Variants in MAMDC2 observed in about 807,000 individuals in gnomAD.
MAMDC2 encodes MAM domain containing 2, also known as MAM domain-containing protein 2.
In MAMDC2, 57 loss-of-function variants were observed where a neutral mutation model predicts 89.8. The ratio of observed to expected loss-of-function variants is 0.63; its 90% CI spans 0.51 to 0.79. The LOEUF (loss-of-function observed/expected upper bound fraction) is 0.79. MAMDC2 is among the 30% of genes least tolerant of loss of function. The pLI is 0.00. For missense variants in MAMDC2, 800 were observed against 820.6 expected (o/e 0.97, Z 0.31); for synonymous variants, 313 against 293.4 (o/e 1.07, Z -0.68).
intron 5 of MAMDC2, among the ~76,000 whole-genome samples, chr9:70,117,325 G>C (rs2030051690): frequency 6.6e-6 from 1 of 152,090 alleles, no homozygotes; most frequent in African/African-American, 2.4e-5. Context: ...TCCTTTGCAG[G>C]GACATGGATG....
intron 11 of MAMDC2, among the ~76,000 whole-genome samples, chr9:70,175,338 T>C (rs1326331020): frequency 6.6e-6 from 1 of 152,148 alleles, no homozygotes; most frequent in Non-Finnish European, 1.5e-5. Context: ...CCTGGATATA[T>C]TTTGAAAGCC....
chr9:70,196,160 A>G (rs958884892), intron 11 of MAMDC2, among the ~76,000 whole-genome samples: 5 of 152,046 alleles, frequency 3.3e-5, no homozygotes, highest in Non-Finnish European at 7.4e-5. Context: ...CCATAACAGT[A>G]TGGGGGGAAC....
intron 11 of MAMDC2, among the ~76,000 whole-genome samples, chr9:70,203,231 G>A (rs1326102771): frequency 6.6e-6 from 1 of 152,150 alleles, no homozygotes; most frequent in Non-Finnish European, 1.5e-5. Flanking sequence ...TCCTTAAGGA[G>A]CTCTTTTAGG....
intron 6 of MAMDC2, among the ~76,000 whole-genome samples, chr9:70,130,829 T>C (rs903229823): frequency 1.3e-5 from 2 of 152,188 alleles, no homozygotes; most frequent in Admixed American, 6.5e-5. Context: ...TGGCCTACTT[T>C]CTTAGCTGAT....
At position 70,118,564 on chromosome 9, in the gene MAMDC2, G is replaced by A. The variant is rs190373890; in HGVS notation, c.643+5432G>A. Among the ~76,000 whole-genome samples the A allele has an allele frequency of 6.9e-3, 1,056 of 152,212 alleles. 11 individuals are homozygous for A. Among genetic ancestry groups the A allele is most frequent in the South Asian group, 0.012 (60 of 4,824 alleles). On this transcript the variant is annotated intron_variant, in intron 5 of 13. Transcript: ENST00000377182. ...TCTCTTATCATATTTGCTTTCTACC[G>A]CATATATTGATTTCCCCGGAGTTCT...
At position 70,214,119 on chromosome 9, in the gene MAMDC2, G is replaced by A. The variant is rs186198765; in HGVS notation, c.1652-4218G>A. Among the ~76,000 whole-genome samples the A allele has an allele frequency of 2.6e-5, 4 of 152,258 alleles. No homozygotes were observed. In the East Asian group the frequency reaches 7.7e-4, roughly 29 times the overall value. On this transcript the variant is annotated intron_variant, in intron 11 of 13. Transcript: ENST00000377182. ...AATCTCTGTCCTTGTGAATTCTAAA[G>A]GAAAGAGACAGGCAAACATAAAAAT...
At chr9:70,188,761 G>GTTTTTTTTTT (rs2032814819) in intron 11 of MAMDC2, 1 of 15,026 alleles carries the variant, frequency 6.7e-5, no homozygotes, top group African/African-American at 1.9e-4. Context: ...CAAAACAATT[G>GTTTTTTTTTT]ATTTTTTTTT....
chr9:70,198,018 C>T (rs2033006954), intron 11 of MAMDC2, among the ~76,000 whole-genome samples: 1 of 151,982 alleles, frequency 6.6e-6, no homozygotes, highest in African/African-American at 2.4e-5. Flanking sequence ...GAAAAGACCA[C>T]ATGTACATAA....
At chr9:70,194,557 T>A (rs1038432008) in intron 11 of MAMDC2, 1 of 152,144 alleles carries the variant, frequency 6.6e-6, no homozygotes. Flanking sequence ...CCTCCAAAAC[T>A]GTAAGAAATA....
Position 70,119,071 on chromosome 9 carries a change from T to G in MAMDC2, c.643+5939T>G, listed in dbSNP as rs144231677. ...TTTTTATCCTGTATTTTCTTAATTC[T>G]GATTCATCACATATGGGTTTCTTTC... On this transcript the variant is annotated intron_variant, in intron 5 of 13. Transcript: ENST00000377182. 2.5e-3 allele frequency among the ~76,000 whole-genome samples: 383 copies of G among 152,172 alleles called. 2 individuals are homozygous for G. Among genetic ancestry groups the G allele is most frequent in the Middle Eastern group, 0.01 (3 of 294 alleles).
intron 2 of MAMDC2, chr9:70,090,801 G>C (rs1170213495): frequency 6.6e-6 from 1 of 152,130 alleles, no homozygotes; most frequent in Non-Finnish European, 1.5e-5. Flanking sequence ...CTAAATACAA[G>C]AAGATTTATC....
chr9:70,127,959 C>A (rs2030635627), intron 6 of MAMDC2, among the ~76,000 whole-genome samples: 1 of 152,176 alleles, frequency 6.6e-6, no homozygotes, highest in Non-Finnish European at 1.5e-5. Context: ...TTGTCTGAAT[C>A]AAATGTTGCT....
chr9:70,143,482 A>G, intron 8 of MAMDC2, 72 bp from the exon 9 acceptor site: 1 of 1,525,974 alleles, frequency 6.6e-7, no homozygotes, highest in Non-Finnish European at 8.9e-7. Context: ...GTTCTACTTT[A>G]ATCATATTTT....
intron 9 of MAMDC2, among the ~76,000 whole-genome samples, chr9:70,156,623 C>G (rs1236097052): frequency 6.6e-6 from 1 of 152,154 alleles, no homozygotes; most frequent in Non-Finnish European, 1.5e-5. Context: ...CATTATAGAG[C>G]AGATTAAGGT....
chr9:70,098,519 G>A (rs1828084145), intron 2 of MAMDC2, among the ~76,000 whole-genome samples: 1 of 152,118 alleles, frequency 6.6e-6, no homozygotes, highest in Non-Finnish European at 1.5e-5. Context: ...TTAGATTTGA[G>A]GCACTGCAGT....
At chr9:70,116,697 GAAAAAAAA>G (rs34849432) in intron 5 of MAMDC2, among the ~76,000 whole-genome samples, 24 of 112,864 alleles carry the variant, frequency 2.1e-4, no homozygotes, top group African/African-American at 8.0e-4. Flanking sequence ...TTTGGCATTA[GAAAAAAAA>G]AAAAAAAAAG....
In MAMDC2 at chr9:70,043,976, G is replaced by C; in HGVS notation, c.-222G>C. 1 of 606,960 alleles carries C rather than the reference G, an allele frequency of 1.6e-6. No individual in the cohort carries two copies. Among genetic ancestry groups the C allele is most frequent in the Non-Finnish European group, 2.9e-6 (1 of 342,982 alleles). 37.6% of individuals were successfully genotyped at this position (606,960 alleles called of 1,614,324 possible). ...GACCTGAGGCTGCTGCTCAGCGCCG[G>C]GGCGCTGGCGCTCTCCATTCGAGCA... On this transcript the variant is annotated 5_prime_UTR_variant, in exon 1 of 14. Transcript: ENST00000377182.
chr9:70,085,836 T>C (rs1438900859), intron 2 of MAMDC2: 2 of 152,150 alleles, frequency 1.3e-5, no homozygotes, highest in East Asian at 3.8e-4. Flanking sequence ...CTTTTTATTT[T>C]TTATTAATAT....
chr9:70,200,574 T>C (rs1034143655), intron 11 of MAMDC2, among the ~76,000 whole-genome samples: 3 of 150,596 alleles, frequency 2.0e-5, no homozygotes, highest in Non-Finnish European at 4.4e-5. Context: ...AGTAGTTTTT[T>C]CCAATTCTGT....
Sources: allele counts gnomAD v4.1 joint callset (sites outside exome capture counted in the v4.1 genomes callset), GRCh38; gene constraint gnomAD v4.1.1; transcripts MANE v1.5; gene names NCBI Gene and HGNC (gene_info 2026-07-23, HGNC 2026-07-21).